Variants in HNRNPA0 observed in about 807,000 individuals in gnomAD.
HNRNPA0 encodes hnRNA binding protein.
For synonymous variants in HNRNPA0, 243 were observed against 195.5 expected, an observed-to-expected ratio of 1.24 and a Z score of -2.03; for missense variants, 252 against 433.7, an observed-to-expected ratio of 0.58 and a Z score of 3.72.
At position 137,753,182 on chromosome 5, in the gene HNRNPA0, G is replaced by C. The variant is rs1233030180; in HGVS notation, c.885C>G (p.Gly295=). Residue 295 remains glycine, a synonymous_variant, in exon 1 of 1, where the codon GGC becomes GGG. Transcript: ENST00000314940. This position sits in a 1 kb window ranked among gnomAD's most constrained non-coding sequence, Gnocchi z 6.1. ...SNSGPYRGGY[G]GGGGYGGSSF ...AGCTGCCTCCATAGCCACCCCCACCGCCATAGCCGCCTCTGTAAGGTCCAC... is the reference window on the plus strand; with the variant it reads ...AGCTGCCTCCATAGCCACCCCCACCCCCATAGCCGCCTCTGTAAGGTCCAC... 6.2e-7 allele frequency: 1 copy of C among 1,613,328 alleles called. No individual in the cohort carries two copies. The highest frequency in any genetic ancestry group is 8.5e-7 in the Non-Finnish European group (1 of 1,179,820).
chr5:137,754,321 C>A lies in HNRNPA0; in HGVS notation c.-255G>T. 1 of 513,672 alleles carries A rather than the reference C, an allele frequency of 1.9e-6. No individual in the cohort carries two copies. The highest frequency in any genetic ancestry group is 3.5e-6 in the Non-Finnish European group (1 of 282,362). 31.8% of individuals were successfully genotyped at this position (513,672 alleles called of 1,614,324 possible). A position where few individuals can be genotyped will look rare whatever the true frequency, so the allele number is the denominator to read the frequency against. Reference sequence around the variant, plus strand: ...ACAACCAAGGCCACCGCTACCGCCGCCGCCGCCACCTCCGCTCCCCTATCT... The same window carrying A: ...ACAACCAAGGCCACCGCTACCGCCGACGCCGCCACCTCCGCTCCCCTATCT... On this transcript the variant is annotated 5_prime_UTR_variant, in exon 1 of 1. Transcript: ENST00000314940.
rs893363641 is a variant in HNRNPA0, at chr5:137,748,303, CTAATAT to C, written c.*4840_*4845del. 1 of 152,132 alleles carries C rather than the reference CTAATAT, an allele frequency of 6.6e-6. No individual in the cohort carries two copies. Among genetic ancestry groups the C allele is most frequent in the Non-Finnish European group, 1.5e-5 (1 of 68,018 alleles). The allele number at this position is 152,132 out of a possible 1,614,324, so 9.4% of individuals were successfully genotyped here. A position where few individuals can be genotyped will look rare whatever the true frequency, so the allele number is the denominator to read the frequency against. On this transcript the variant is annotated 3_prime_UTR_variant, in exon 1 of 1. Transcript: ENST00000314940. ...CAACACTCACATTATTTATACCTTCCTAATATTAACAAATACTTAAAACATTACAGA... is the reference window on the plus strand; with the variant it reads ...CAACACTCACATTATTTATACCTTCCTAACAAATACTTAAAACATTACAGA...
At position 137,753,011 on chromosome 5, in the gene HNRNPA0, C is replaced by G; in HGVS notation, c.*138G>C. 3 of 846,330 alleles carry G rather than the reference C, an allele frequency of 3.5e-6. No individual in the cohort carries two copies. The South Asian group carries it at 5.6e-5, about 16-fold the overall frequency. 52.4% of individuals were successfully genotyped at this position (846,330 alleles called of 1,614,324 possible). ...ATAGAGGAACACCCCCAAGGGTAAG[C>G]AGCCTTAGAAGTGGCTCCCCCAAGG... On this transcript the variant is annotated 3_prime_UTR_variant, in exon 1 of 1. Coordinates refer to ENST00000314940, the MANE Select transcript of HNRNPA0 (RefSeq NM_006805.4). This position sits in a 1 kb window ranked among gnomAD's most constrained non-coding sequence, Gnocchi z 6.1.
Position 137,753,430 on chromosome 5 carries a change from C to G in HNRNPA0, c.637G>C (p.Gly213Arg). 1 of 1,552,606 alleles carries G rather than the reference C, an allele frequency of 6.4e-7. No individual in the cohort carries two copies. Among genetic ancestry groups the G allele is most frequent in the Non-Finnish European group, 8.7e-7 (1 of 1,148,144 alleles). The change falls in exon 1 of 1, where the codon GGC becomes CGC. Residue 213 changes from glycine (G) to arginine (R), a missense_variant. Transcript: ENST00000314940. The surrounding 1 kb of genome is among the most constrained non-coding windows in gnomAD (Gnocchi z 6.1). Reference protein sequence around the residue: ...GRDQNGLSKGGGGGYNSYGGY... With the variant: ...GRDQNGLSKGRGGGYNSYGGY... The stretch of plus-strand genomic sequence containing the variant: ...CCGTAGCTGTTGTAACCGCCGCCGC[C>G]GCCCTTGGAAAGGCCGTTCTGGTCT...
In HNRNPA0 at chr5:137,753,543, G is replaced by A; in HGVS notation, c.524C>T (p.Pro175Leu). 6.2e-7 allele frequency: 1 copy of A among 1,612,682 alleles called. No homozygotes were observed. The highest frequency in any genetic ancestry group is 8.5e-7 in the Non-Finnish European group (1 of 1,179,104). Residue 175 changes from proline to leucine, a missense_variant, in exon 1 of 1, where the codon CCC becomes CTC. Pro to Leu is a moderately conservative substitution (Grantham distance 98). Transcript: ENST00000314940. The surrounding 1 kb of genome is among the most constrained non-coding windows in gnomAD (Gnocchi z 6.1). The part of the protein sequence containing the change: ...GHRVEVKKAV[P>L]KEDIYSGGGG... ...CCCACCGGAGTAGATATCCTCCTTG[G>A]GGACTGCTTTCTTCACCTCCACGCG...
chr5:137,748,936 G>C lies in HNRNPA0; in HGVS notation c.*4213C>G, dbSNP rs1753452553. On this transcript the variant is annotated 3_prime_UTR_variant, in exon 1 of 1. Transcript: ENST00000314940. Reference sequence around the variant, plus strand: ...GATGGTGTGAACAATATGAGATTGTGACACAATGCTGTAAAGGAAAAGATG... The same window carrying C: ...GATGGTGTGAACAATATGAGATTGTCACACAATGCTGTAAAGGAAAAGATG... 1 of 152,140 alleles carries C rather than the reference G, an allele frequency of 6.6e-6. No homozygotes were observed. Among genetic ancestry groups the C allele is most frequent in the South Asian group, 2.1e-4 (1 of 4,836 alleles). The allele number at this position is 152,140 out of a possible 1,614,324, so 9.4% of individuals were successfully genotyped here.
Position 137,753,419 on chromosome 5 carries a change from ACCGCCG to A in HNRNPA0, c.642_647del (p.Gly215_Gly216del). On this transcript the variant is annotated inframe_deletion, in exon 1 of 1. Transcript: ENST00000314940. The surrounding 1 kb of genome is among the most constrained non-coding windows in gnomAD (Gnocchi z 6.1). ...CGCCGTAACCACCGTAGCTGTTGTA[ACCGCCG>A]CCGCCGCCCTTGGAAAGGCCGTTCT... 1.9e-6 allele frequency: 3 copies of A among 1,547,744 alleles called. No homozygotes were observed. Among genetic ancestry groups the A allele is most frequent in the Non-Finnish European group, 2.6e-6 (3 of 1,146,298 alleles).
At position 137,749,434 on chromosome 5, in the gene HNRNPA0, A is replaced by G. The variant is rs1235689812; in HGVS notation, c.*3715T>C. The stretch of plus-strand genomic sequence containing the variant: ...TTCCTACTTTGGAATTCCTTTTTAA[A>G]TAGCAGCTTTCAAATATCTTTTTAT... On this transcript the variant is annotated 3_prime_UTR_variant, in exon 1 of 1. Transcript: ENST00000314940. 1 of 152,176 alleles carries G rather than the reference A, an allele frequency of 6.6e-6. No individual in the cohort carries two copies. Among genetic ancestry groups the G allele is most frequent in the Non-Finnish European group, 1.5e-5 (1 of 68,016 alleles). The allele number at this position is 152,176 out of a possible 1,614,324, so 9.4% of individuals were successfully genotyped here.
In HNRNPA0 at chr5:137,748,711, A is replaced by C. The variant is rs764403899; in HGVS notation, c.*4438T>G. 2 of 152,198 alleles carry C rather than the reference A, an allele frequency of 1.3e-5. No homozygotes were observed. The highest frequency in any genetic ancestry group is 2.9e-5 in the Non-Finnish European group (2 of 68,014). 9.4% of individuals were successfully genotyped at this position (152,198 alleles called of 1,614,324 possible). A position where few individuals can be genotyped will look rare whatever the true frequency, so the allele number is the denominator to read the frequency against. On this transcript the variant is annotated 3_prime_UTR_variant, in exon 1 of 1. Coordinates refer to ENST00000314940, the MANE Select transcript of HNRNPA0 (RefSeq NM_006805.4). Reference sequence around the variant, plus strand: ...CTGTGTCAGGAACAGAATTTGGTCTATTGGATGCCCAAATTTACGTCCTTA... The same window carrying C: ...CTGTGTCAGGAACAGAATTTGGTCTCTTGGATGCCCAAATTTACGTCCTTA...
chr5:137,748,777 AATTAC>A lies in HNRNPA0; in HGVS notation c.*4367_*4371del, dbSNP rs1179626002. On this transcript the variant is annotated 3_prime_UTR_variant, in exon 1 of 1. Transcript: ENST00000314940. The stretch of plus-strand genomic sequence containing the variant: ...TAAATCAGATACCCACTATGAAGCA[AATTAC>A]ATTTGCAACGTAAGCATCAAAGACA... 6.6e-6 allele frequency: 1 copy of A among 152,168 alleles called. No homozygotes were observed. The highest frequency in any genetic ancestry group is 2.4e-5 in the African/African-American group (1 of 41,448). The allele number at this position is 152,168 out of a possible 1,614,324, so 9.4% of individuals were successfully genotyped here.
rs1753399829 is a variant in HNRNPA0, at chr5:137,745,675, T to C, written c.*7474A>G. 1 of 152,226 alleles carries C rather than the reference T, an allele frequency of 6.6e-6. No homozygotes were observed. The highest frequency in any genetic ancestry group is 2.4e-5 in the African/African-American group (1 of 41,452). 9.4% of individuals were successfully genotyped at this position (152,226 alleles called of 1,614,324 possible). A position where few individuals can be genotyped will look rare whatever the true frequency, so the allele number is the denominator to read the frequency against. The stretch of plus-strand genomic sequence containing the variant: ...GTATCGTACTCATGGCTAAAGTTTA[T>C]TACAGTGACACAGTAAGTGTACACA... On this transcript the variant is annotated 3_prime_UTR_variant, in exon 1 of 1. Transcript: ENST00000314940.
At position 137,752,848 on chromosome 5, in the gene HNRNPA0, A is replaced by T. The variant is rs569420459; in HGVS notation, c.*301T>A. 1.6e-4 allele frequency: 48 copies of T among 300,134 alleles called. No individual in the cohort carries two copies. The South Asian group carries it at 6.3e-3, about 39-fold the overall frequency. 18.6% of individuals were successfully genotyped at this position (300,134 alleles called of 1,614,324 possible). Reference sequence around the variant, plus strand: ...CCCCCAAAAAACACAAATTAAAACAAGACATTTTGCTAGTATAAAAACGAC... The same window carrying T: ...CCCCCAAAAAACACAAATTAAAACATGACATTTTGCTAGTATAAAAACGAC... On this transcript the variant is annotated 3_prime_UTR_variant, in exon 1 of 1. Coordinates refer to ENST00000314940, the MANE Select transcript of HNRNPA0 (RefSeq NM_006805.4).
At position 137,753,079 on chromosome 5, in the gene HNRNPA0, G is replaced by GAA; in HGVS notation, c.*69_*70insTT. The stretch of plus-strand genomic sequence containing the variant: ...GTGTGTGTGAGGGGGTGGGGCTTAG[G>GAA]AGTTGACCCCACTTGGGCTGTTGGA... On this transcript the variant is annotated 3_prime_UTR_variant, in exon 1 of 1. Coordinates refer to ENST00000314940, the MANE Select transcript of HNRNPA0 (RefSeq NM_006805.4). This position sits in a 1 kb window ranked among gnomAD's most constrained non-coding sequence, Gnocchi z 6.1. 6.8e-7 allele frequency: 1 copy of GAA among 1,479,240 alleles called. No homozygotes were observed. The allele number at this position is 1,479,240 out of a possible 1,614,324, so 91.6% of individuals were successfully genotyped here. A position where few individuals can be genotyped will look rare whatever the true frequency, so the allele number is the denominator to read the frequency against.
Position 137,754,165 on chromosome 5 carries a change from C to T in HNRNPA0, c.-99G>A, listed in dbSNP as rs1580803178. The T allele has an allele frequency of 1.4e-6, 2 of 1,428,996 alleles. No individual in the cohort carries two copies. The highest frequency in any genetic ancestry group is 1.4e-5 in the African/African-American group (1 of 69,428). The allele number at this position is 1,428,996 out of a possible 1,614,324, so 88.5% of individuals were successfully genotyped here. Reference sequence around the variant, plus strand: ...GGCCTCTACACAGCTTGGGCCCAGCCGTTGCTGGAGCCACCCCCGCCGCTC... The same window carrying T: ...GGCCTCTACACAGCTTGGGCCCAGCTGTTGCTGGAGCCACCCCCGCCGCTC... On this transcript the variant is annotated 5_prime_UTR_variant, in exon 1 of 1. Transcript: ENST00000314940.
In HNRNPA0 at chr5:137,750,446, TAGG is replaced by T. The variant is rs1002395153; in HGVS notation, c.*2700_*2702del. ...AAGATCTTCACATTAAGATGAAAAA[TAGG>T]AGGTTCACTTTTATTTTGCTAATCC... On this transcript the variant is annotated 3_prime_UTR_variant, in exon 1 of 1. Coordinates refer to ENST00000314940, the MANE Select transcript of HNRNPA0 (RefSeq NM_006805.4). 2.6e-5 allele frequency: 4 copies of T among 152,132 alleles called. No individual in the cohort carries two copies. Among genetic ancestry groups the T allele is most frequent in the African/African-American group, 9.7e-5 (4 of 41,436 alleles). The allele number at this position is 152,132 out of a possible 1,614,324, so 9.4% of individuals were successfully genotyped here.
chr5:137,754,244 G>C lies in HNRNPA0; in HGVS notation c.-178C>G, dbSNP rs1433844713. The C allele has an allele frequency of 1.2e-6, 1 of 816,964 alleles. No homozygotes were observed. The highest frequency in any genetic ancestry group is 1.9e-6 in the Non-Finnish European group (1 of 529,234). The allele number at this position is 816,964 out of a possible 1,614,324, so 50.6% of individuals were successfully genotyped here. A position where few individuals can be genotyped will look rare whatever the true frequency, so the allele number is the denominator to read the frequency against. ...GAGGGAAGGAAGGAAGAGAGGAAGG[G>C]GGAGGGAAGGGGAGCGGTGCCGGCT... is the stretch of plus-strand genomic sequence containing the variant. On this transcript the variant is annotated 5_prime_UTR_variant, in exon 1 of 1. Transcript: ENST00000314940.
Position 137,754,196 on chromosome 5 carries a change from CG to C in HNRNPA0, c.-131del. The C allele has an allele frequency of 8.4e-7, 1 of 1,186,700 alleles. No homozygotes were observed. The allele number at this position is 1,186,700 out of a possible 1,614,324, so 73.5% of individuals were successfully genotyped here. ...TGGAGCCACCCCCGCCGCTCACCGA[CG>C]GGGAAGGGAAAAAGGGAAGGGGAGG... is the stretch of plus-strand genomic sequence containing the variant. On this transcript the variant is annotated 5_prime_UTR_variant, in exon 1 of 1. Transcript: ENST00000314940.
In HNRNPA0 at chr5:137,752,952, C is replaced by T. The variant is rs1753530187; in HGVS notation, c.*197G>A. The T allele has an allele frequency of 1.8e-6, 1 of 543,884 alleles. No homozygotes were observed. The highest frequency in any genetic ancestry group is 3.2e-6 in the Non-Finnish European group (1 of 311,672). The allele number at this position is 543,884 out of a possible 1,614,324, so 33.7% of individuals were successfully genotyped here. Reference sequence around the variant, plus strand: ...AATGTGTATGTGGGGCCGAGTCCATCTTCAGAGGGAGAGACAAGAGAGGTG... The same window carrying T: ...AATGTGTATGTGGGGCCGAGTCCATTTTCAGAGGGAGAGACAAGAGAGGTG... On this transcript the variant is annotated 3_prime_UTR_variant, in exon 1 of 1. Transcript: ENST00000314940.
In HNRNPA0 at chr5:137,747,493, C is replaced by A. The variant is rs1240169562; in HGVS notation, c.*5656G>T. The A allele has an allele frequency of 3.3e-5, 5 of 152,232 alleles. No homozygotes were observed. Among genetic ancestry groups the A allele is most frequent in the Non-Finnish European group, 5.9e-5 (4 of 68,022 alleles). The allele number at this position is 152,232 out of a possible 1,614,324, so 9.4% of individuals were successfully genotyped here. On this transcript the variant is annotated 3_prime_UTR_variant, in exon 1 of 1. Transcript: ENST00000314940. ...CTATTACCAGTGGCATCACCATCCTCTCACACAGTAATTTTGATTAATCTA... is the reference window on the plus strand; with the variant it reads ...CTATTACCAGTGGCATCACCATCCTATCACACAGTAATTTTGATTAATCTA...
Sources: allele counts gnomAD v4.1 joint callset, GRCh38; gene constraint gnomAD v4.1.1; non-coding constraint Gnocchi (gnomAD v3.1); transcripts MANE v1.5; gene names NCBI Gene and HGNC (gene_info 2026-07-23, HGNC 2026-07-21).